Variants in CPLANE1 observed in about 807,000 individuals in gnomAD.
The protein encoded by CPLANE1 is ciliogenesis and planar polarity effector 1.
A neutral mutation model predicts 362.5 loss-of-function variants in CPLANE1; 263 were observed. The observed-to-expected ratio is 0.73, with a 90% CI of 0.66 to 0.80. The LOEUF (loss-of-function observed/expected upper bound fraction) is 0.80. Ranked by LOEUF, CPLANE1 falls within the 30% of genes least tolerant of loss-of-function variation. The pLI is 0.00. For missense variants in CPLANE1, 3,461 were observed against 3,793.4 expected (o/e 0.91, Z 2.30); for synonymous variants, 1,212 against 1,302.6 (o/e 0.93, Z 1.50).
intron 16 of CPLANE1, chr5:37,210,952 T>C (rs1792424761): frequency 2.6e-6 from 2 of 780,854 alleles, no homozygotes; most frequent in East Asian, 2.4e-5. Context: ...GGTTACAAAG[T>C]TTCCATAAAG....
intron 9 of CPLANE1, among the ~76,000 whole-genome samples, 158 bp from the exon 10 acceptor site, chr5:37,227,975 C>T (rs879278701): frequency 7.9e-5 from 12 of 152,032 alleles, no homozygotes; most frequent in Non-Finnish European, 1.8e-4. Context: ...TTCAGGAAAA[C>T]ATAACACAGG....
intron 20 of CPLANE1, among the ~76,000 whole-genome samples, chr5:37,197,475 G>A (rs1387511642): frequency 6.6e-6 from 1 of 152,150 alleles, no homozygotes. Flanking sequence ...CCAACAATCT[G>A]AATGCACCTG....
rs973526055 is a variant in CPLANE1 at position 37,238,475 on chromosome 5, G to A, written c.938+382C>T. Among the ~76,000 whole-genome samples the A allele has an allele frequency of 1.3e-4, 19 of 141,810 alleles. No homozygotes were observed. In the East Asian group the frequency reaches 1.8e-3, roughly 14 times the overall value. The allele number at this position is 141,810 out of a possible 152,430, so 93.0% of individuals were successfully genotyped here. A position where few individuals can be genotyped will look rare whatever the true frequency, so the allele number is the denominator to read the frequency against. ...TGGGATTACAGGCGTGAGCCACAGC[G>A]CCCAGCCTTTTCTTTTTTTTTTTTT... On this transcript the variant is annotated intron_variant, in intron 8 of 52. Coordinates refer to ENST00000651892, the MANE Select transcript of CPLANE1 (RefSeq NM_001384732.1).
Position 37,184,795 on chromosome 5 carries a change from A to G in CPLANE1, c.4474T>C (p.Tyr1492His). 2 of 1,609,138 alleles carry G rather than the reference A, an allele frequency of 1.2e-6. No homozygotes were observed. The highest frequency in any genetic ancestry group is 1.7e-6 in the Non-Finnish European group (2 of 1,178,120). ...AAAAGATCTCAATTGTACCTTTGAT[A>G]GATATTTATCCTACTTTTTTCTTCA... ...SVEEKSRINI[Y>H]QRNAPNHMEL... Residue 1492 changes from tyrosine to histidine, a missense_variant, in exon 25 of 53, where the codon TAT becomes CAT. Around this residue, in one of 2 missense-constraint regions of CPLANE1, gnomAD observed 3,380 missense variants for 3,666.1 expected, o/e 0.92. Transcript: ENST00000651892.
At chr5:37,140,274 T>C in intron 44 of CPLANE1, 1 of 962,976 alleles carries the variant, frequency 1.0e-6, no homozygotes, top group South Asian at 4.8e-5. Flanking sequence ...TATCTTGAGA[T>C]AAACCAAATC....
At chr5:37,122,958 A>G (rs1000217896) in intron 47 of CPLANE1, among the ~76,000 whole-genome samples, 5 of 152,228 alleles carry the variant, frequency 3.3e-5, no homozygotes, top group African/African-American at 1.2e-4. Context: ...TAGTTCAATT[A>G]ATATATTTTA....
At chr5:37,223,352 CATCT>C (rs1795764218) in intron 14 of CPLANE1, among the ~76,000 whole-genome samples, 1 of 152,188 alleles carries the variant, frequency 6.6e-6, no homozygotes, top group Non-Finnish European at 1.5e-5. Flanking sequence ...GCTCCCTAAA[CATCT>C]ACCATAAAAC....
intron 37 of CPLANE1, 100 bp downstream of exon 37, chr5:37,164,173 G>T: frequency 1.1e-6 from 1 of 892,032 alleles, no homozygotes; most frequent in South Asian, 1.5e-5. Flanking sequence ...TAGTCAGCTG[G>T]GCAGAAATGT....
chr5:37,078,516 T>C, the CPLANE1 span, among the ~76,000 whole-genome samples: 2 of 152,200 alleles, frequency 1.3e-5, no homozygotes, highest in African/African-American at 4.8e-5. Flanking sequence ...AACATACGCA[T>C]CCATGTATCT....
At chr5:37,138,693 G>A (rs1435859059) in intron 46 of CPLANE1, 27 bp downstream of exon 46, 2 of 1,593,118 alleles carry the variant, frequency 1.3e-6, no homozygotes, top group South Asian at 1.2e-5. Context: ...TTTTAAACAG[G>A]TTAAAAATGA....
chr5:37,120,437 G>A, intron 49 of CPLANE1, 97 bp from the exon 50 acceptor site: 3 of 1,051,972 alleles, frequency 2.9e-6, no homozygotes, highest in Middle Eastern at 2.8e-4. Context: ...GGGCACAGTA[G>A]TGCAAGCCTA....
At chr5:37,130,266 C>G (rs1011210908) in intron 46 of CPLANE1, among the ~76,000 whole-genome samples, 2 of 152,070 alleles carry the variant, frequency 1.3e-5, no homozygotes, top group Non-Finnish European at 2.9e-5. Context: ...GGAATAAAGA[C>G]TACAAATTGG....
Position 37,183,526 on chromosome 5 carries a change from T to G in CPLANE1, c.4655A>C (p.Lys1552Thr), listed in dbSNP as rs1460832746. 1 of 1,613,726 alleles carries G rather than the reference T, an allele frequency of 6.2e-7. No homozygotes were observed. The highest frequency in any genetic ancestry group is 8.5e-7 in the Non-Finnish European group (1 of 1,179,754). Residue 1552 changes from lysine to threonine, a missense_variant, in exon 26 of 53, where the codon AAA becomes ACA. By Grantham distance (78) the Lys-to-Thr change is moderately conservative. Transcript: ENST00000651892. Reference protein sequence around the residue: ...EFERDDDEYIKFLDLFLSYIL... With the variant: ...EFERDDDEYITFLDLFLSYIL... ...GTAACTCAAAAACAGATCAAGGAAT[T>G]TAATATATTCATCATCATCACGTTC...
At chr5:37,203,710 G>A (rs1288958363) in intron 18 of CPLANE1, among the ~76,000 whole-genome samples, 1 of 152,118 alleles carries the variant, frequency 6.6e-6, no homozygotes, top group Non-Finnish European at 1.5e-5. Flanking sequence ...TAGAGACAGG[G>A]TTTTGTCATA....
chr5:37,189,791 G>A (rs1784988943), intron 21 of CPLANE1, among the ~76,000 whole-genome samples: 1 of 152,106 alleles, frequency 6.6e-6, no homozygotes. Context: ...CTGAGGTCAG[G>A]AGTTCGAGAC....
chr5:37,121,697 T>A lies in CPLANE1; in HGVS notation c.9105A>T (p.Pro3035=). 6.2e-7 allele frequency: 1 copy of A among 1,613,818 alleles called. No individual in the cohort carries two copies. Among genetic ancestry groups the A allele is most frequent in the African/African-American group, 1.3e-5 (1 of 75,052 alleles). The part of the protein sequence containing the change: ...NELLSESVQL[P]TLPQKPLPNK... ...TAGGCAATGGTTTCTGTGGTAGAGT[T>A]GGTAGCTGTACTGACTCAGATAACA... Residue 3035 remains proline, a synonymous_variant, in exon 49 of 53, where the codon CCA becomes CCT. Coordinates refer to ENST00000651892, the MANE Select transcript of CPLANE1 (RefSeq NM_001384732.1).
At chr5:37,210,083 G>A in intron 16 of CPLANE1, 1 of 807,670 alleles carries the variant, frequency 1.2e-6, no homozygotes, top group Middle Eastern at 2.4e-4. Context: ...AGTATGAGAA[G>A]GAATTAGCCG....
intron 38 of CPLANE1, among the ~76,000 whole-genome samples, chr5:37,161,217 G>A (rs1438834030): frequency 1.3e-5 from 2 of 152,116 alleles, no homozygotes; most frequent in Admixed American, 6.5e-5. Flanking sequence ...TAGAAAATAC[G>A]GGTATCCCTT....
intron 44 of CPLANE1, 21 bp from the exon 45 acceptor site, chr5:37,139,391 A>C: frequency 8.8e-7 from 1 of 1,142,060 alleles, no homozygotes; most frequent in Non-Finnish European, 1.2e-6. Context: ...AATCATTATT[A>C]ATAAAAATTT....
Sources: allele counts gnomAD v4.1 joint callset (sites outside exome capture counted in the v4.1 genomes callset), GRCh38; gene constraint gnomAD v4.1.1; regional missense constraint gnomAD v4.1.1; transcripts MANE v1.5; gene names NCBI Gene and HGNC (gene_info 2026-07-23, HGNC 2026-07-21).